The following PSG5 variants were observed in gnomAD, a reference collection of about 807,000 sequenced individuals.
PSG5 encodes pregnancy specific beta-1-glycoprotein 5.
Under a neutral mutation model 37.7 loss-of-function variants are expected in PSG5, and 53 were observed. That is an observed-to-expected ratio of 1.41 (90% CI 1.13 to 1.77). The LOEUF (loss-of-function observed/expected upper bound fraction) is 1.77, where lower values mean the gene tolerates loss of function less well. PSG5 is among the 40% of genes most tolerant of loss of function. The pLI is 0.00. For missense variants in PSG5, 547 were observed against 405.2 expected, an observed-to-expected ratio of 1.35 and a Z score of -3.00; for synonymous variants, 221 against 155.4, an observed-to-expected ratio of 1.42 and a Z score of -3.14.
rs28414334 is a variant in PSG5 at position 43,179,744 on chromosome 19, G to A, written c.431-3596C>T. Among the ~76,000 whole-genome samples the A allele has an allele frequency of 9.5e-3, 1,437 of 151,738 alleles. 60 individuals carry two copies. The highest frequency in any genetic ancestry group is 0.032 in the African/African-American group (1,317 of 41,242). On this transcript the variant is annotated intron_variant, in intron 2 of 5. Coordinates refer to ENST00000342951, the MANE Select transcript of PSG5 (RefSeq NM_002781.4). ...TCAGGCAGTGGAGCCACAAGGTGGC[G>A]CAGTTTTCCCAGGTGTCTCATAGTG...
chr19:43,178,349 T>G, intron 2 of PSG5, among the ~76,000 whole-genome samples: 1 of 151,734 alleles, frequency 6.6e-6, no homozygotes. Flanking sequence ...TGCTGATTGC[T>G]GGAACTTCCC....
intron 2 of PSG5, among the ~76,000 whole-genome samples, chr19:43,178,307 G>C (rs1232439184): frequency 2.0e-5 from 3 of 151,108 alleles, no homozygotes; most frequent in Non-Finnish European, 2.9e-5. Context: ...ATCCCTCTAT[G>C]TTTTGGTGAT....
intron 3 of PSG5, 149 bp downstream of exon 3, chr19:43,175,721 G>C (rs1968994159): frequency 2.7e-6 from 4 of 1,482,116 alleles, no homozygotes; most frequent in Non-Finnish European, 9.1e-7. Context: ...GCCTACCTAG[G>C]TTTTCCAAGG....
At position 43,172,279 on chromosome 19, in the gene PSG5, G is replaced by A. The variant is rs1195202690; in HGVS notation, c.965-2141C>T. 1.3e-4 allele frequency among the ~76,000 whole-genome samples: 19 copies of A among 151,536 alleles called. 1 individual carries two copies. Among genetic ancestry groups the A allele is most frequent in the Admixed American group, 2.6e-4 (4 of 15,154 alleles). On this transcript the variant is annotated intron_variant, in intron 4 of 5. Transcript: ENST00000342951. ...GCAATATGTGAAAAACCCAATGCTA[G>A]CATCATACTCAACGGAGAAAGACTG...
chr19:43,176,502 G>A lies in PSG5; in HGVS notation c.431-354C>T, dbSNP rs56753814. Among the ~76,000 whole-genome samples the A allele has an allele frequency of 1.9e-3, 283 of 151,654 alleles. 5 individuals are homozygous for A. Among genetic ancestry groups the A allele is most frequent in the African/African-American group, 6.4e-3 (262 of 41,194 alleles). On this transcript the variant is annotated intron_variant, in intron 2 of 5. Coordinates refer to ENST00000342951, the MANE Select transcript of PSG5 (RefSeq NM_002781.4). ...GGTTCCTTACCTGGAATGTGCAACT[G>A]CTGGGCCCCTTCCAAATTCCATCCT...
chr19:43,177,273 C>A (rs1198615616), intron 2 of PSG5, among the ~76,000 whole-genome samples: 1 of 151,326 alleles, frequency 6.6e-6, no homozygotes, highest in African/African-American at 2.4e-5. Context: ...GATTGGCTGT[C>A]GAGCTTGATA....
At position 43,185,429 on chromosome 19, in the gene PSG5, A is replaced by C. The variant is rs1304369055; in HGVS notation, c.65-282T>G. Among the ~76,000 whole-genome samples, 505 of 133,300 alleles carry C rather than the reference A, an allele frequency of 3.8e-3. 2 individuals carry two copies. Among genetic ancestry groups the C allele is most frequent in the Admixed American group, 8.5e-3 (111 of 13,100 alleles). The allele number at this position is 133,300 out of a possible 152,430, so 87.4% of individuals were successfully genotyped here. On this transcript the variant is annotated intron_variant, in intron 1 of 5. Transcript: ENST00000342951. ...CCTCTTCCCCAGGGGTCCACACGGC[A>C]CCCCCCCCCCCCCACACTGCCCTCA...
rs1968835274 is a variant in PSG5 at position 43,168,513 on chromosome 19, T to C, written c.*41-310A>G. 5.3e-5 allele frequency among the ~76,000 whole-genome samples: 8 copies of C among 151,430 alleles called. No homozygotes were observed. The South Asian group carries it at 8.3e-4, about 16-fold the overall frequency. ...CCTCCTGAGTAACTGGGACTACAGG[T>C]GCCTGCCACCACGCCCGGCAAATTT... is the stretch of plus-strand genomic sequence containing the variant. On this transcript the variant is annotated intron_variant, in intron 5 of 5. Coordinates refer to ENST00000342951, the MANE Select transcript of PSG5 (RefSeq NM_002781.4).
At chr19:43,183,827 G>A (rs1005305839) in intron 2 of PSG5, among the ~76,000 whole-genome samples, 1 of 151,378 alleles carries the variant, frequency 6.6e-6, no homozygotes, top group South Asian at 2.1e-4. Flanking sequence ...TCCCCCTTTG[G>A]GTTTGTGTGA....
chr19:43,168,024 G>A lies in PSG5; in HGVS notation c.*220C>T. 1 of 412,890 alleles carries A rather than the reference G, an allele frequency of 2.4e-6. No individual in the cohort carries two copies. Among genetic ancestry groups the A allele is most frequent in the Non-Finnish European group, 4.4e-6 (1 of 224,754 alleles). The allele number at this position is 412,890 out of a possible 1,614,324, so 25.6% of individuals were successfully genotyped here. The stretch of plus-strand genomic sequence containing the variant: ...TCTTCTTTGTCTAGAATTTCATGAA[G>A]GTATCAGCCTGTTCATTAAAATTTT... On this transcript the variant is annotated 3_prime_UTR_variant, in exon 6 of 6. Coordinates refer to ENST00000342951, the MANE Select transcript of PSG5 (RefSeq NM_002781.4).
Position 43,170,040 on chromosome 19 carries a change from A to G in PSG5, c.*40+15T>C. ...AGCCCTGCAGGAACCAGGATAAGAGAAAAGGCCATCATACCTGCCAGTCTT... is the reference window on the plus strand; with the variant it reads ...AGCCCTGCAGGAACCAGGATAAGAGGAAAGGCCATCATACCTGCCAGTCTT... On this transcript the variant is annotated intron_variant, in intron 5 of 5. Transcript: ENST00000342951. 1 of 1,454,488 alleles carries G rather than the reference A, an allele frequency of 6.9e-7. No individual in the cohort carries two copies. 90.1% of individuals were successfully genotyped at this position (1,454,488 alleles called of 1,614,324 possible). A position where few individuals can be genotyped will look rare whatever the true frequency, so the allele number is the denominator to read the frequency against.
intron 2 of PSG5, among the ~76,000 whole-genome samples, chr19:43,177,633 C>T (rs1407794601): frequency 6.6e-6 from 1 of 151,202 alleles, no homozygotes; most frequent in Non-Finnish European, 1.5e-5. Flanking sequence ...TTGCTGTCTT[C>T]TATGTCATGA....
chr19:43,170,173 G>T (rs150432755), intron 4 of PSG5, 35 bp from the exon 5 acceptor site: 2 of 1,536,148 alleles, frequency 1.3e-6, no homozygotes, highest in African/African-American at 1.4e-5. Flanking sequence ...AGGAATGAAG[G>T]TGATGTTATT....
intron 4 of PSG5, among the ~76,000 whole-genome samples, chr19:43,173,383 A>G (rs565030059): frequency 4.6e-5 from 7 of 151,896 alleles, no homozygotes; most frequent in African/African-American, 1.7e-4. Flanking sequence ...AACCTTTTAT[A>G]TATCAAAGAA....
intron 5 of PSG5, among the ~76,000 whole-genome samples, chr19:43,168,541 T>C (rs1454245787): frequency 6.6e-6 from 1 of 151,194 alleles, no homozygotes; most frequent in East Asian, 1.9e-4. Flanking sequence ...GCAAATTTTG[T>C]TTTTGCATTT....
intron 4 of PSG5, chr19:43,171,118 G>C (rs942129466): frequency 6.6e-6 from 1 of 151,448 alleles, no homozygotes; most frequent in South Asian, 2.1e-4. Flanking sequence ...TTTCCACTTT[G>C]CTGATGAAAA....
intron 2 of PSG5, chr19:43,179,207 T>C (rs751340320): frequency 2.6e-6 from 4 of 1,522,390 alleles, no homozygotes; most frequent in Admixed American, 3.6e-5. Flanking sequence ...CTTTGATTCC[T>C]CCAAAGGCAC....
chr19:43,182,398 TC>T (rs112968688), intron 2 of PSG5, among the ~76,000 whole-genome samples: 22,935 of 151,542 alleles, frequency 0.15, 2,324 homozygotes, highest in East Asian at 0.37. Flanking sequence ...TGTTTCTCAT[TC>T]TTTTGCATTC....
rs746697345 is a variant in PSG5, at chr19:43,184,731, T to G, written c.430+51A>C. 8.1e-6 allele frequency: 13 copies of G among 1,604,118 alleles called. No homozygotes were observed. The South Asian group carries it at 1.1e-4, about 14-fold the overall frequency. ...GCCTGACAATCCTGTGTGTGTGAAG[T>G]AGAAATGACCCCTGTCCCCCAACAC... On this transcript the variant is annotated intron_variant, in intron 2 of 5. Transcript: ENST00000342951.
Sources: allele counts gnomAD v4.1 joint callset (sites outside exome capture counted in the v4.1 genomes callset), GRCh38; gene constraint gnomAD v4.1.1; transcripts MANE v1.5; gene names NCBI Gene and HGNC (gene_info 2026-07-23, HGNC 2026-07-21).